Variants in EFR3B observed in about 807,000 individuals in gnomAD.
EFR3B encodes the protein EFR3 homolog B.
EFR3B carries 64 observed loss-of-function variants against 104.7 expected under a neutral mutation model. The ratio of observed to expected loss-of-function variants is 0.61; its 90% CI spans 0.50 to 0.75. The LOEUF (loss-of-function observed/expected upper bound fraction) is 0.75. Ranked by LOEUF, EFR3B falls within the 30% of genes least tolerant of loss-of-function variation. The pLI, the probability that EFR3B is intolerant of heterozygous loss-of-function variation, is 0.00. For synonymous variants in EFR3B, 385 were observed against 417.9 expected, an observed-to-expected ratio of 0.92 and a Z score of 0.96; for missense variants, 750 against 1,078.5, an observed-to-expected ratio of 0.70 and a Z score of 4.27.
chr2:25,125,574 C>G (rs1307001515), intron 5 of EFR3B, among the ~76,000 whole-genome samples: 2 of 152,166 alleles, frequency 1.3e-5, no homozygotes, highest in African/African-American at 4.8e-5. Flanking sequence ...GCCAGGGTAT[C>G]CTGTTTCTCC....
Position 25,131,711 on chromosome 2 carries a change from C to A in EFR3B, c.986-39C>A. The stretch of plus-strand genomic sequence containing the variant: ...CGCGGTGCACAGAGGAGGAGGGTGC[C>A]AGCCTTGGATCTCGGGTGTCCCGCC... On this transcript the variant is annotated intron_variant, in intron 9 of 22. Coordinates refer to ENST00000403714, the MANE Select transcript of EFR3B (RefSeq NM_014971.2). This position sits in a 1 kb window ranked among gnomAD's most constrained non-coding sequence, Gnocchi z 7.6. The A allele has an allele frequency of 6.7e-7, 1 of 1,484,604 alleles. No homozygotes were observed. The highest frequency in any genetic ancestry group is 9.0e-7 in the Non-Finnish European group (1 of 1,111,340). The allele number at this position is 1,484,604 out of a possible 1,614,324, so 92.0% of individuals were successfully genotyped here. A position where few individuals can be genotyped will look rare whatever the true frequency, so the allele number is the denominator to read the frequency against.
In EFR3B at chr2:25,121,729, C is replaced by G; in HGVS notation, c.420C>G (p.Asp140Glu). 1 of 1,551,740 alleles carries G rather than the reference C, an allele frequency of 6.4e-7. No individual in the cohort carries two copies. Among genetic ancestry groups the G allele is most frequent in the Non-Finnish European group, 8.7e-7 (1 of 1,147,004 alleles). Residue 140 changes from aspartate to glutamate, a missense_variant, in exon 5 of 23, where the codon GAC (aspartate) becomes GAG (glutamate). By Grantham distance (45) the Asp-to-Glu change is conservative (BLOSUM62 2). Coordinates refer to ENST00000403714, the MANE Select transcript of EFR3B (RefSeq NM_014971.2). ...CCCCGTCCTATCACCGGAGCTATGACTTCTTTGTGTCCCGATTCAGTGAAA... is the reference window on the plus strand; with the variant it reads ...CCCCGTCCTATCACCGGAGCTATGAGTTCTTTGTGTCCCGATTCAGTGAAA... Reference protein sequence around the residue: ...EDTPSYHRSYDFFVSRFSEMC... With the variant: ...EDTPSYHRSYEFFVSRFSEMC...
intron 4 of EFR3B, among the ~76,000 whole-genome samples, chr2:25,107,556 G>A (rs1044329306): frequency 2.0e-5 from 3 of 152,080 alleles, no homozygotes; most frequent in Non-Finnish European, 4.4e-5. Context: ...TTTAGGTCTG[G>A]GAACTACTGA....
intron 19 of EFR3B, chr2:25,145,786 C>T (rs1001958447): frequency 1.3e-5 from 2 of 152,110 alleles, no homozygotes; most frequent in Non-Finnish European, 2.9e-5. Context: ...GAGGAAGGTA[C>T]AGAGATCGCC....
chr2:25,071,673 G>A (rs907585463), intron 1 of EFR3B, among the ~76,000 whole-genome samples: 2 of 152,146 alleles, frequency 1.3e-5, no homozygotes, highest in Non-Finnish European at 2.9e-5. Context: ...AAATGGTCTA[G>A]CCTAGGAATT....
At chr2:25,115,337 A>G (rs1189690563) in intron 4 of EFR3B, among the ~76,000 whole-genome samples, 1 of 152,212 alleles carries the variant, frequency 6.6e-6, no homozygotes, top group African/African-American at 2.4e-5. Context: ...AAGAGCTAAG[A>G]TCATGCGACC....
At position 25,130,019 on chromosome 2, in the gene EFR3B, G is replaced by T. The variant is rs1670285264; in HGVS notation, c.680G>T (p.Ser227Ile). 1 of 1,551,764 alleles carries T rather than the reference G, an allele frequency of 6.4e-7. No homozygotes were observed. The highest frequency in any genetic ancestry group is 1.4e-5 in the African/African-American group (1 of 73,178). The change falls in exon 7 of 23, where the codon AGC becomes ATC. Residue 227 changes from serine (S) to isoleucine (I), a missense_variant. By Grantham distance (142) the Ser-to-Ile change is moderately radical. Coordinates refer to ENST00000403714, the MANE Select transcript of EFR3B (RefSeq NM_014971.2). This position sits in a 1 kb window ranked among gnomAD's most constrained non-coding sequence, Gnocchi z 4.6. ...PLQAPEKEKE[S>I]PAELAERCLR... is the part of the protein sequence containing the mutation. ...CAAGCACCTGAGAAGGAGAAAGAGA[G>T]CCCCGCGGAGCTGGCTGAGAGGTGT...
At chr2:25,046,992 C>G (rs74470513) in intron 1 of EFR3B, among the ~76,000 whole-genome samples, 1,742 of 152,330 alleles carry the variant, frequency 0.011, 30 homozygotes, top group African/African-American at 0.037. Context: ...CCCCTCCCAC[C>G]TACCACTCCA....
At chr2:25,081,455 A>AT in intron 1 of EFR3B, 2 of 1,438,160 alleles carry the variant, frequency 1.4e-6, no homozygotes, top group Non-Finnish European at 1.9e-6. Flanking sequence ...TCATCTGGTG[A>AT]TTTTGCCACA....
rs1331290631 is a variant in EFR3B, at chr2:25,114,548, GA to G, written c.364-7123del. On this transcript the variant is annotated intron_variant, in intron 4 of 22. Coordinates refer to ENST00000403714, the MANE Select transcript of EFR3B (RefSeq NM_014971.2). This position sits in a 1 kb window ranked among gnomAD's most constrained non-coding sequence, Gnocchi z 4.0. ...AGAGTCCTGGCAGCCCGAGGGAATG[GA>G]ATGGTCAACAGCCCGAGCCTCAAGT... 5.3e-5 allele frequency among the ~76,000 whole-genome samples: 8 copies of G among 152,202 alleles called. No homozygotes were observed. Among genetic ancestry groups the G allele is most frequent in the African/African-American group, 1.9e-4 (8 of 41,450 alleles).
At chr2:25,129,299 T>C (rs1670258930) in intron 6 of EFR3B, among the ~76,000 whole-genome samples, 1 of 126,370 alleles carries the variant, frequency 7.9e-6, no homozygotes, top group Admixed American at 9.1e-5. Context: ...CCCAGGCTAC[T>C]AGAGCTAGAC....
intron 1 of EFR3B, among the ~76,000 whole-genome samples, chr2:25,052,207 A>C (rs1667890851): frequency 6.6e-6 from 1 of 151,824 alleles, no homozygotes; most frequent in Non-Finnish European, 1.5e-5. Context: ...AAAAAATAAA[A>C]ATAAATAAAT....
intron 4 of EFR3B, among the ~76,000 whole-genome samples, chr2:25,117,094 AG>A (rs1669882135): frequency 6.6e-6 from 1 of 152,098 alleles, no homozygotes; most frequent in Non-Finnish European, 1.5e-5. Context: ...TTGAACGTGG[AG>A]GGGTCTTGGT....
At chr2:25,091,458 C>G in intron 2 of EFR3B, 57 bp downstream of exon 2, 1 of 1,474,112 alleles carries the variant, frequency 6.8e-7, no homozygotes, top group Non-Finnish European at 9.1e-7. Context: ...GGGCCTCTGA[C>G]GGGGGCAGCT....
chr2:25,152,185 G>A (rs1433710001), intron 21 of EFR3B, among the ~76,000 whole-genome samples, 165 bp downstream of exon 21: 6 of 140,004 alleles, frequency 4.3e-5, no homozygotes, highest in African/African-American at 1.1e-4. Context: ...AGGGAGCTCC[G>A]CTGTTGCCCT....
rs370732819 is a variant in EFR3B, at chr2:25,129,978, G to T, written c.639G>T (p.Arg213=). 1,094 of 1,551,382 alleles carry T rather than the reference G, an allele frequency of 7.1e-4. No homozygotes were observed. Among genetic ancestry groups the T allele is most frequent in the Non-Finnish European group, 9.2e-4 (1,060 of 1,146,994 alleles). The change falls in exon 7 of 23, where the codon CGG becomes CGT. Residue 213 remains arginine (R), a synonymous_variant. Coordinates refer to ENST00000403714, the MANE Select transcript of EFR3B (RefSeq NM_014971.2). ...CCATGTGCCTCTGTCTCCCCAGCCG[G>T]TCTCCCTCACCCCTCCAAGCACCTG... The part of the protein sequence containing the change: ...NLQHVEEAES[R]SPSPLQAPEK...
At chr2:25,128,468 T>C (rs1670227747) in intron 6 of EFR3B, 136 bp downstream of exon 6, 2 of 1,182,706 alleles carry the variant, frequency 1.7e-6, no homozygotes, top group South Asian at 3.0e-5. Context: ...TGTTCTGCAG[T>C]GAGTCCAAAG....
Position 25,154,162 on chromosome 2 carries a change from G to T in EFR3B, c.2349-73G>T. 2.9e-6 allele frequency: 4 copies of T among 1,389,424 alleles called. No homozygotes were observed. The highest frequency in any genetic ancestry group is 4.0e-6 in the Non-Finnish European group (4 of 1,003,876). 86.1% of individuals were successfully genotyped at this position (1,389,424 alleles called of 1,614,324 possible). ...AAAAGAAACCCAAGTCACCTACTCT[G>T]TTTGGTTGCACAAGGGTGGGATCCT... On this transcript the variant is annotated intron_variant, in intron 22 of 22. Transcript: ENST00000403714. The surrounding 1 kb of genome is among the most constrained non-coding windows in gnomAD (Gnocchi z 4.1).
At chr2:25,091,271 T>A in intron 1 of EFR3B, 54 bp from the exon 2 acceptor site, 1 of 1,526,888 alleles carries the variant, frequency 6.5e-7, no homozygotes, top group Non-Finnish European at 8.9e-7. Context: ...GCTCCAACCT[T>A]TCCTGGGCCC....
Sources: allele counts gnomAD v4.1 joint callset (sites outside exome capture counted in the v4.1 genomes callset), GRCh38; gene constraint gnomAD v4.1.1; non-coding constraint Gnocchi (gnomAD v3.1); transcripts MANE v1.5; gene names NCBI Gene and HGNC (gene_info 2026-07-23, HGNC 2026-07-21).